Variants in SPMIP2 observed in about 807,000 individuals in gnomAD.
The protein encoded by SPMIP2 is protein SPMIP2.
At chr4:159,036,318 G>T in the SPMIP2 span, among the ~76,000 whole-genome samples, 1 of 152,202 alleles carries the variant, frequency 6.6e-6, no homozygotes, top group Non-Finnish European at 1.5e-5. Flanking sequence ...CTGGAGGAAG[G>T]ACTGTCAGCA....
At chr4:158,934,784 AT>A in the SPMIP2 span, among the ~76,000 whole-genome samples, 1 of 152,004 alleles carries the variant, frequency 6.6e-6, no homozygotes, top group Non-Finnish European at 1.5e-5. Flanking sequence ...ATCCCTCCAC[AT>A]TTAGTTGGTT....
the SPMIP2 span, among the ~76,000 whole-genome samples, chr4:159,004,631 CCT>C: frequency 0.011 from 1,731 of 152,108 alleles, 29 homozygotes; most frequent in African/African-American, 0.039. Context: ...TCTATGAGTT[CCT>C]AGATTCCTAG....
At chr4:159,036,836 T>G in the SPMIP2 span, among the ~76,000 whole-genome samples, 4 of 152,190 alleles carry the variant, frequency 2.6e-5, no homozygotes, top group Admixed American at 2.6e-4. Context: ...GCTTTCCTAC[T>G]CTTTCTGTTG....
At chr4:158,905,591 C>T in the SPMIP2 span, 1 of 151,660 alleles carries the variant, frequency 6.6e-6, no homozygotes, top group Non-Finnish European at 1.5e-5. Flanking sequence ...TTTATATTAT[C>T]ATTTCTGTGC....
At chr4:158,895,838 A>C in the SPMIP2 span, 6 of 1,612,954 alleles carry the variant, frequency 3.7e-6, no homozygotes, top group Non-Finnish European at 5.1e-6. Context: ...ACACGAGTCC[A>C]TGTGAAAGAA....
chr4:159,069,461 C>A, the SPMIP2 span, among the ~76,000 whole-genome samples: 1 of 151,038 alleles, frequency 6.6e-6, no homozygotes, highest in Non-Finnish European at 1.5e-5. Context: ...AGAGACAAGG[C>A]CTCACTCCGA....
the SPMIP2 span, among the ~76,000 whole-genome samples, chr4:158,953,589 C>T: frequency 6.6e-6 from 1 of 152,288 alleles, no homozygotes; most frequent in African/African-American, 2.4e-5. Flanking sequence ...GAGGAGAGGG[C>T]AACTGTCCTC....
At chr4:158,994,999 T>G in the SPMIP2 span, among the ~76,000 whole-genome samples, 4 of 152,256 alleles carry the variant, frequency 2.6e-5, no homozygotes, top group Admixed American at 2.6e-4. Context: ...GTCAAATTTC[T>G]GAATGAGCCA....
chr4:159,081,559 C>T, the SPMIP2 span, among the ~76,000 whole-genome samples: 1 of 151,792 alleles, frequency 6.6e-6, no homozygotes, highest in African/African-American at 2.4e-5. Flanking sequence ...GGTGTGGTGG[C>T]GCACTCCTGC....
At chr4:158,909,149 G>A in the SPMIP2 span, among the ~76,000 whole-genome samples, 1 of 151,862 alleles carries the variant, frequency 6.6e-6, no homozygotes, top group Non-Finnish European at 1.5e-5. Flanking sequence ...TAATAAAGGG[G>A]GCATTACAAA....
the SPMIP2 span, among the ~76,000 whole-genome samples, chr4:158,898,195 GTA>G: frequency 6.6e-6 from 1 of 152,086 alleles, no homozygotes; most frequent in Non-Finnish European, 1.5e-5. Context: ...CCATTGGTCT[GTA>G]TATCTGTTTT....
chr4:158,903,396 G>A, the SPMIP2 span, among the ~76,000 whole-genome samples: 2 of 152,154 alleles, frequency 1.3e-5, no homozygotes, highest in Non-Finnish European at 2.9e-5. Flanking sequence ...CTTGCTGGGA[G>A]CTGCAGACCA....
At chr4:159,011,444 A>T in the SPMIP2 span, among the ~76,000 whole-genome samples, 1 of 152,194 alleles carries the variant, frequency 6.6e-6, no homozygotes, top group East Asian at 1.9e-4. Flanking sequence ...TCTCTGGGTT[A>T]ATTAATGCTT....
the SPMIP2 span, among the ~76,000 whole-genome samples, chr4:159,050,708 A>G: frequency 6.6e-6 from 1 of 151,830 alleles, no homozygotes; most frequent in Non-Finnish European, 1.5e-5. Flanking sequence ...AGGTGAGTGG[A>G]TCACTTGAAC....
the SPMIP2 span, among the ~76,000 whole-genome samples, chr4:159,034,087 A>G: frequency 8.5e-5 from 13 of 152,398 alleles, no homozygotes; most frequent in Admixed American, 2.0e-4. Context: ...CAGAGAGCCC[A>G]GATCGTGCCA....
the SPMIP2 span, among the ~76,000 whole-genome samples, chr4:159,042,151 T>C: frequency 6.6e-6 from 1 of 152,214 alleles, no homozygotes; most frequent in Admixed American, 6.5e-5. Context: ...GATTGTATCA[T>C]TCAATCCTAA....
chr4:158,980,215 A>G, the SPMIP2 span, among the ~76,000 whole-genome samples: 1 of 152,116 alleles, frequency 6.6e-6, no homozygotes, highest in Non-Finnish European at 1.5e-5. Context: ...TCAGGGGGTT[A>G]TAGATAAATT....
the SPMIP2 span, among the ~76,000 whole-genome samples, chr4:159,063,965 C>A: frequency 2.0e-5 from 3 of 152,250 alleles, no homozygotes; most frequent in East Asian, 5.8e-4. Flanking sequence ...TTTCTAAAAT[C>A]TTTCTAAAAA....
the SPMIP2 span, among the ~76,000 whole-genome samples, chr4:159,055,247 CAT>C: frequency 6.6e-6 from 1 of 152,178 alleles, no homozygotes; most frequent in East Asian, 1.9e-4. Context: ...CCTGGAGAGA[CAT>C]AGGGTGCTCT....
Sources: allele counts gnomAD v4.1 joint callset (sites outside exome capture counted in the v4.1 genomes callset), GRCh38; gene constraint gnomAD v4.1.1; transcripts MANE v1.5; gene names NCBI Gene and HGNC (gene_info 2026-07-23, HGNC 2026-07-21).